ITGB2: variants seen among roughly 807,000 people sequenced by gnomAD.
ITGB2 encodes the protein integrin subunit beta 2.
In ITGB2, 56 loss-of-function variants were observed where a neutral mutation model predicts 86.8. The observed-to-expected ratio is 0.65, with a 90% confidence interval of 0.52 to 0.81. ITGB2 has a LOEUF of 0.81. ITGB2 is among the 30% of genes least tolerant of loss of function. ITGB2 has a pLI of 0.00. For missense variants in ITGB2, 948 were observed against 1,061.2 expected (o/e 0.89, Z 1.48); for synonymous variants, 457 against 450.4 (o/e 1.01, Z -0.19).
In ITGB2 at chr21:44,900,413, A is replaced by G; in HGVS notation, c.804T>C (p.His268=). The G allele has an allele frequency of 6.2e-7, 1 of 1,614,040 alleles. No homozygotes were observed. Residue 268 remains histidine, a synonymous_variant, in exon 7 of 16, where the codon CAT becomes CAC. Transcript: ENST00000652462. ...LLVFATDDGF[H]FAGDGKLGAI... ...CGCCCAGCTTCCCGTCGCCCGCGAA[A>G]TGGAAGCCGTCATCAGTGGCAAACA...
intron 11 of ITGB2, among the ~76,000 whole-genome samples, chr21:44,891,573 T>A (rs2083785577): frequency 1.3e-5 from 2 of 152,154 alleles, no homozygotes; most frequent in African/African-American, 2.4e-5. Flanking sequence ...CCAGAGAGTG[T>A]AGAGTACAGG....
intron 5 of ITGB2, 28 bp from the exon 6 acceptor site, chr21:44,901,761 G>C (rs772474984): frequency 3.8e-6 from 6 of 1,595,340 alleles, no homozygotes; most frequent in African/African-American, 1.3e-5. Context: ...GGGCTGGGGA[G>C]GTGGCAGGCT....
intron 3 of ITGB2, among the ~76,000 whole-genome samples, chr21:44,907,313 G>A (rs1378427664): frequency 6.6e-6 from 1 of 152,154 alleles, no homozygotes; most frequent in African/African-American, 2.4e-5. Flanking sequence ...GGGGGGCAGG[G>A]TATCGCCTCC....
chr21:44,910,936 C>A, intron 1 of ITGB2, 151 bp from the exon 2 acceptor site: 1 of 707,754 alleles, frequency 1.4e-6, no homozygotes, highest in Non-Finnish European at 2.4e-6. Context: ...CACAGCTGCA[C>A]TGGGCCCAGC....
rs1395762843 is a variant in ITGB2 at position 44,886,716 on chromosome 21, C to G, written c.2247+20G>C. ...ACGCACGTGCCCCTCTGCGTGGGAC[C>G]CCCAAGGACGGCCACTTACATTGTT... On this transcript the variant is annotated intron_variant, in intron 15 of 15. Transcript: ENST00000652462. 3.7e-6 allele frequency: 6 copies of G among 1,613,950 alleles called. No homozygotes were observed. The highest frequency in any genetic ancestry group is 3.4e-6 in the Non-Finnish European group (4 of 1,179,992).
At chr21:44,907,318 G>A (rs1007101258) in intron 3 of ITGB2, among the ~76,000 whole-genome samples, 11 of 152,174 alleles carry the variant, frequency 7.2e-5, no homozygotes, top group East Asian at 1.9e-4. Context: ...GCAGGGTATC[G>A]CCTCCTCCTC....
In ITGB2 at chr21:44,895,072, G is replaced by C. The variant is rs2146511568; in HGVS notation, c.994-12C>G. 6.2e-7 allele frequency: 1 copy of C among 1,604,438 alleles called. No individual in the cohort carries two copies. ...ATCTCGGTGAGTTTCTGTTGGGCAAGAAGACCAGACATGGCACGGCTAGGA... is the reference window on the plus strand; with the variant it reads ...ATCTCGGTGAGTTTCTGTTGGGCAACAAGACCAGACATGGCACGGCTAGGA... On this transcript the variant is annotated splice_polypyrimidine_tract_variant and intron_variant, in intron 8 of 15. Transcript: ENST00000652462.
chr21:44,892,592 G>A (rs1457364431), intron 10 of ITGB2, among the ~76,000 whole-genome samples: 3 of 99,722 alleles, frequency 3.0e-5, no homozygotes, highest in African/African-American at 1.2e-4. Flanking sequence ...GCGACAGAGC[G>A]AAACTCCATC....
chr21:44,915,056 G>A (rs960393400), intron 1 of ITGB2, among the ~76,000 whole-genome samples: 3 of 152,184 alleles, frequency 2.0e-5, no homozygotes, highest in Non-Finnish European at 4.4e-5. Context: ...AGACGGAGTT[G>A]CGCTGTCACC....
intron 9 of ITGB2, chr21:44,893,993 A>ACAGAGAGAGACGGGCAGAGG (rs1211703213): frequency 1.4e-5 from 4 of 295,476 alleles, no homozygotes; most frequent in African/African-American, 8.7e-5. Flanking sequence ...TGGGGCAGAG[A>ACAGAGAGAGACGGGCAGAGG]CAGAGAGAGA....
rs781730372 is a variant in ITGB2 at position 44,907,065 on chromosome 21, T to G, written c.178A>C (p.Ile60Leu). The G allele has an allele frequency of 3.6e-5, 58 of 1,609,862 alleles. No individual in the cohort carries two copies. The South Asian group carries it at 6.3e-4, about 17-fold the overall frequency. Residue 60 changes from isoleucine (I) to leucine (L), a missense_variant, in exon 4 of 16, where the codon ATT becomes CTT. By Grantham distance (5) the Ile-to-Leu change is conservative. Transcript: ENST00000652462. ...NFTGPGDPDS[I>L]RCDTRPQLLM... ...AGCTGTGGCCGGGTGTCGCAGCGAA[T>G]GGAGTCAGGATCCCCCGGCCCTGTG...
intron 8 of ITGB2, 87 bp downstream of exon 8, chr21:44,898,980 G>T: frequency 9.4e-7 from 1 of 1,059,324 alleles, no homozygotes. Flanking sequence ...TGCAGAGGTG[G>T]CGCTCAGACC....
intron 1 of ITGB2, among the ~76,000 whole-genome samples, chr21:44,918,690 G>C (rs2084247248): frequency 6.6e-6 from 1 of 152,212 alleles, no homozygotes; most frequent in Admixed American, 6.5e-5. Context: ...GGAGTCTCCT[G>C]GTGGTGGCCG....
chr21:44,907,292 A>T (rs1292143111), intron 3 of ITGB2, among the ~76,000 whole-genome samples, 197 bp from the exon 4 acceptor site: 2 of 152,202 alleles, frequency 1.3e-5, no homozygotes, highest in Non-Finnish European at 2.9e-5. Context: ...TCCCGGCCAC[A>T]GCAGACCCCT....
chr21:44,927,172 G>C (rs888196572), intron 1 of ITGB2, among the ~76,000 whole-genome samples: 1 of 152,194 alleles, frequency 6.6e-6, no homozygotes, highest in African/African-American at 2.4e-5. Context: ...TGGGATTCTG[G>C]AAGTTTCCAC....
intron 11 of ITGB2, among the ~76,000 whole-genome samples, chr21:44,890,707 C>T (rs900125926): frequency 6.6e-6 from 1 of 152,190 alleles, no homozygotes; most frequent in African/African-American, 2.4e-5. Context: ...TGGCATCAAG[C>T]CGCTGGCAGG....
intron 9 of ITGB2, chr21:44,893,793 G>T: frequency 2.0e-6 from 1 of 495,422 alleles, no homozygotes; most frequent in Admixed American, 2.8e-5. Context: ...AGGGGTGGGA[G>T]CTTCTGCTGC....
At chr21:44,899,573 C>T (rs899691829) in intron 7 of ITGB2, among the ~76,000 whole-genome samples, 3 of 152,196 alleles carry the variant, frequency 2.0e-5, no homozygotes, top group South Asian at 2.1e-4. Flanking sequence ...CTGTGGCTCC[C>T]GGCGGAGGAC....
chr21:44,889,725 AG>A (rs2146499067), intron 12 of ITGB2, among the ~76,000 whole-genome samples: 1 of 152,302 alleles, frequency 6.6e-6, no homozygotes, highest in African/African-American at 2.4e-5. Context: ...GGACCTCAAT[AG>A]GGCTATGACC....
Sources: allele counts gnomAD v4.1 joint callset (sites outside exome capture counted in the v4.1 genomes callset), GRCh38; gene constraint gnomAD v4.1.1; transcripts MANE v1.5; gene names NCBI Gene and HGNC (gene_info 2026-07-23, HGNC 2026-07-21).